Variants in MACROD2 observed in about 807,000 individuals in gnomAD.
The protein encoded by MACROD2 is ADP-ribose glycohydrolase MACROD2.
A neutral mutation model predicts 70.4 loss-of-function variants in MACROD2; 36 were observed. The ratio of observed to expected loss-of-function variants is 0.51; its 90% CI spans 0.39 to 0.68. The LOEUF (loss-of-function observed/expected upper bound fraction) is 0.68, where lower values mean the gene tolerates loss of function less well. Among genes scored for constraint, MACROD2 ranks in the 30% least tolerant of loss-of-function variants. The pLI, the probability that MACROD2 is intolerant of heterozygous loss-of-function variation, is 0.00. For synonymous variants in MACROD2, 172 were observed against 178.8 expected (o/e 0.96, Z 0.30); for missense variants, 496 against 538.4 (o/e 0.92, Z 0.78).
intron 15 of MACROD2, among the ~76,000 whole-genome samples, chr20:16,000,629 T>C (rs904410367): frequency 6.6e-6 from 1 of 152,162 alleles, no homozygotes; most frequent in Non-Finnish European, 1.5e-5. Flanking sequence ...GTACGTAGAG[T>C]TCATAAAGTA....
intron 3 of MACROD2, among the ~76,000 whole-genome samples, chr20:14,163,144 A>T (rs963621291): frequency 7.2e-5 from 11 of 152,178 alleles, no homozygotes; most frequent in African/African-American, 2.7e-4. Context: ...TCTAGTGATG[A>T]TGAATTTTCT....
chr20:15,326,026 A>G (rs1033857849), intron 6 of MACROD2, among the ~76,000 whole-genome samples: 33 of 152,308 alleles, frequency 2.2e-4, no homozygotes, highest in African/African-American at 7.5e-4. Flanking sequence ...GAGAACAAGT[A>G]TATAAAAAAG....
chr20:15,672,699 A>G (rs1366850239), intron 8 of MACROD2, among the ~76,000 whole-genome samples: 1 of 152,110 alleles, frequency 6.6e-6, no homozygotes, highest in Non-Finnish European at 1.5e-5. Flanking sequence ...TTTCACTGAG[A>G]CTGTTGAGAC....
chr20:14,513,616 A>G (rs2085054260), intron 4 of MACROD2, among the ~76,000 whole-genome samples: 1 of 152,134 alleles, frequency 6.6e-6, no homozygotes, highest in African/African-American at 2.4e-5. Flanking sequence ...ACTCCCAAGC[A>G]TGGTAAAGAA....
rs1346640221 is a variant in MACROD2 at position 16,050,479 on chromosome 20, C to G, written c.*603C>G. ...AAGTGGCTAATGAGAAATATGGAAG[C>G]TGAATTTTTTCCAGAGCAGAGTGCA... On this transcript the variant is annotated 3_prime_UTR_variant, in exon 18 of 18. Coordinates refer to ENST00000684519, the MANE Select transcript of MACROD2 (RefSeq NM_001351661.2). 1 of 152,350 alleles carries G rather than the reference C, an allele frequency of 6.6e-6. No individual in the cohort carries two copies. Among genetic ancestry groups the G allele is most frequent in the African/African-American group, 2.4e-5 (1 of 41,438 alleles). The allele number at this position is 152,350 out of a possible 1,614,324, so 9.4% of individuals were successfully genotyped here.
chr20:14,271,690 T>C (rs1643600233), intron 3 of MACROD2, among the ~76,000 whole-genome samples: 1 of 152,106 alleles, frequency 6.6e-6, no homozygotes, highest in African/African-American at 2.4e-5. Context: ...ATGATCAAAC[T>C]ACTCCGAGCT....
intron 6 of MACROD2, among the ~76,000 whole-genome samples, chr20:15,346,879 G>A (rs1325987424): frequency 2.6e-5 from 4 of 152,140 alleles, no homozygotes; most frequent in African/African-American, 7.2e-5. Context: ...ATTCCAATGG[G>A]AGTATATTTA....
chr20:14,421,727 G>A (rs2083878039), intron 3 of MACROD2, among the ~76,000 whole-genome samples: 1 of 151,956 alleles, frequency 6.6e-6, no homozygotes, highest in African/African-American at 2.4e-5. Context: ...CCTTCTGTTA[G>A]TGATTCCTAG....
intron 8 of MACROD2, among the ~76,000 whole-genome samples, chr20:15,809,467 G>A (rs6079974): frequency 4.6e-5 from 7 of 152,208 alleles, no homozygotes; most frequent in Non-Finnish European, 1.0e-4. Context: ...GAGGACCTCA[G>A]GCTGCTTCTA....
intron 4 of MACROD2, among the ~76,000 whole-genome samples, chr20:14,676,573 A>G (rs554746523): frequency 2.0e-5 from 3 of 152,350 alleles, no homozygotes; most frequent in Admixed American, 1.3e-4. Flanking sequence ...AGCAGTGTTT[A>G]GAGGGAAATT....
At chr20:15,819,085 A>G (rs193005462) in intron 8 of MACROD2, among the ~76,000 whole-genome samples, 2 of 151,902 alleles carry the variant, frequency 1.3e-5, no homozygotes, top group Non-Finnish European at 2.9e-5. Context: ...TACCTTGTAA[A>G]GATATCTGCA....
chr20:15,686,996 CT>C (rs953486243), intron 8 of MACROD2, among the ~76,000 whole-genome samples: 59 of 126,438 alleles, frequency 4.7e-4, no homozygotes, highest in Admixed American at 9.4e-4. Flanking sequence ...AAGCTAGTTT[CT>C]TTTTTTTTTC....
rs146296009 is a variant in MACROD2 at position 14,564,592 on chromosome 20, A to G, written c.301+71084A>G. 1.7e-3 allele frequency among the ~76,000 whole-genome samples: 258 copies of G among 152,124 alleles called. 3 individuals are homozygous for G. Among genetic ancestry groups the G allele is most frequent in the Admixed American group, 1.1e-3 (17 of 15,258 alleles). The stretch of plus-strand genomic sequence containing the variant: ...ACATACAAGCACCCAACAAACATGA[A>G]AAAATGCTCAACATCACTAATCATC... On this transcript the variant is annotated intron_variant, in intron 4 of 17. Coordinates refer to ENST00000684519, the MANE Select transcript of MACROD2 (RefSeq NM_001351661.2).
In MACROD2 at chr20:15,339,348, T is replaced by C. The variant is rs76695494; in HGVS notation, c.541-92057T>C. 4.0e-3 allele frequency among the ~76,000 whole-genome samples: 611 copies of C among 151,926 alleles called. 28 individuals carry two copies. The highest frequency in any genetic ancestry group is 0.014 in the African/African-American group (592 of 41,192). ...AGTATTGACAGGTGGATTGCCACTT[T>C]GGCAATTTTCACTCTAAGACATCAA... On this transcript the variant is annotated intron_variant, in intron 6 of 17. Transcript: ENST00000684519.
chr20:14,563,060 A>G (rs1979543452), intron 4 of MACROD2, among the ~76,000 whole-genome samples: 1 of 151,846 alleles, frequency 6.6e-6, no homozygotes, highest in African/African-American at 2.4e-5. Flanking sequence ...CTTGGGCTAG[A>G]TTAGACTGTA....
intron 8 of MACROD2, among the ~76,000 whole-genome samples, chr20:15,604,143 G>A (rs1007426358): frequency 2.6e-5 from 4 of 152,122 alleles, no homozygotes; most frequent in Non-Finnish European, 5.9e-5. Flanking sequence ...TACCACATGG[G>A]CTTCTATTAA....
chr20:14,439,548 T>C (rs932080307), intron 3 of MACROD2, among the ~76,000 whole-genome samples: 8 of 152,138 alleles, frequency 5.3e-5, no homozygotes, highest in African/African-American at 1.9e-4. Context: ...AGAGACAGCA[T>C]TGAGTTGGGG....
chr20:14,045,483 C>G (rs1415594219), intron 2 of MACROD2, among the ~76,000 whole-genome samples: 1 of 152,192 alleles, frequency 6.6e-6, no homozygotes, highest in Admixed American at 6.5e-5. Flanking sequence ...TAGGAAACTG[C>G]AGACAGAAAA....
chr20:15,775,397 C>T (rs930682814), intron 8 of MACROD2, among the ~76,000 whole-genome samples: 1 of 152,056 alleles, frequency 6.6e-6, no homozygotes, highest in African/African-American at 2.4e-5. Flanking sequence ...GGAAGGGCAG[C>T]CTCAGGCAGA....
Sources: gnomAD v4.1 joint callset for allele counts (sites outside exome capture counted in the v4.1 genomes callset) on GRCh38, gnomAD v4.1.1 for gene constraint, MANE v1.5 for transcripts, NCBI Gene and HGNC (gene_info 2026-07-23, HGNC 2026-07-21) for gene names.